Variants in ANKRD30A observed in about 807,000 individuals in gnomAD.
ANKRD30A encodes the protein ankyrin repeat domain-containing protein 30A.
ANKRD30A carries 170 observed loss-of-function variants against 166.3 expected under a neutral mutation model. That is an observed-to-expected ratio of 1.02 (90% CI 0.90 to 1.16). The LOEUF is 1.16. Among genes scored for constraint, ANKRD30A ranks in the 50% most tolerant of loss-of-function variants. The pLI, the probability that ANKRD30A is intolerant of heterozygous loss-of-function variation, is 0.00. For synonymous variants in ANKRD30A, 564 were observed against 508.9 expected (o/e 1.11, Z -1.46); for missense variants, 1,630 against 1,518.0 (o/e 1.07, Z -1.23).
At chr10:37,240,705 C>G in the ANKRD30A span, among the ~76,000 whole-genome samples, 1 of 152,098 alleles carries the variant, frequency 6.6e-6, no homozygotes, top group African/African-American at 2.4e-5. Context: ...TGTTGTCCTT[C>G]TGGTATCAAC....
chr10:37,193,773 A>C (rs1422179364), intron 27 of ANKRD30A, among the ~76,000 whole-genome samples: 1 of 152,132 alleles, frequency 6.6e-6, no homozygotes, highest in African/African-American at 2.4e-5. Flanking sequence ...TTGTCTAGAC[A>C]CGGTGTTTTA....
intron 34 of ANKRD30A, among the ~76,000 whole-genome samples, chr10:37,222,807 G>A (rs568343907): frequency 2.8e-4 from 42 of 151,276 alleles, no homozygotes; most frequent in Non-Finnish European, 5.6e-4. Context: ...TCTAGTTGGT[G>A]CAGAACAATT....
At chr10:37,148,546 T>C (rs1837681643) in intron 9 of ANKRD30A, among the ~76,000 whole-genome samples, 1 of 151,904 alleles carries the variant, frequency 6.6e-6, no homozygotes, top group African/African-American at 2.4e-5. Context: ...AGGTAGGTAA[T>C]TTTGGAGACT....
chr10:37,236,047 C>T (rs1367962606), downstream of ANKRD30A, among the ~76,000 whole-genome samples: 1 of 152,084 alleles, frequency 6.6e-6, no homozygotes, highest in Non-Finnish European at 1.5e-5. Flanking sequence ...GGATTACAGG[C>T]GTGAGCCACC....
the ANKRD30A span, chr10:37,262,525 G>A: frequency 1.9e-5 from 3 of 158,920 alleles, no homozygotes; most frequent in South Asian, 2.0e-4. Flanking sequence ...TTTTGAGACT[G>A]CAGCTTGGAC....
At chr10:37,131,467 AC>A (rs1836375213) in intron 3 of ANKRD30A, among the ~76,000 whole-genome samples, 1 of 152,176 alleles carries the variant, frequency 6.6e-6, no homozygotes, top group Non-Finnish European at 1.5e-5. Flanking sequence ...AACCCCATGG[AC>A]CATTTAATAA....
intron 6 of ANKRD30A, among the ~76,000 whole-genome samples, chr10:37,137,275 T>C (rs1836768049): frequency 6.6e-6 from 1 of 152,166 alleles, no homozygotes; most frequent in Admixed American, 6.5e-5. Flanking sequence ...ACAGCTCCAG[T>C]CTACAGCTCC....
chr10:37,125,889 C>T lies in ANKRD30A; in HGVS notation c.102C>T (p.Val34=), dbSNP rs1835971199. The change falls in exon 1 of 36, where the codon GTC becomes GTT. Residue 34 remains valine, a synonymous_variant. Transcript: ENST00000361713. The part of the protein sequence containing the change: ...LVYTSNDSYI[V]HSGDLRKIHK... ...ATACCAGCAACGACTCCTACATCGT[C>T]CACTCTGGGGATCTTAGAAAGATCC... The T allele has an allele frequency of 1.4e-5, 22 of 1,567,714 alleles. No homozygotes were observed. In the South Asian group the frequency reaches 1.6e-4, roughly 11 times the overall value.
chr10:37,127,741 C>G (rs1463290792), intron 1 of ANKRD30A, among the ~76,000 whole-genome samples: 1 of 152,036 alleles, frequency 6.6e-6, no homozygotes, highest in Non-Finnish European at 1.5e-5. Flanking sequence ...AAAAAGGAAT[C>G]AAATACTGTT....
intron 34 of ANKRD30A, among the ~76,000 whole-genome samples, chr10:37,223,722 C>A (rs190183163): frequency 6.6e-6 from 1 of 151,028 alleles, no homozygotes; most frequent in African/African-American, 2.4e-5. Flanking sequence ...TGTTATAAAA[C>A]GGCTTTACAC....
At chr10:37,172,493 C>A in intron 21 of ANKRD30A, among the ~76,000 whole-genome samples, 1 of 106,528 alleles carries the variant, frequency 9.4e-6, no homozygotes, top group Non-Finnish European at 1.9e-5. Context: ...AAATTTGAAA[C>A]AGTGTTGTAT....
chr10:37,251,771 T>C, the ANKRD30A span, among the ~76,000 whole-genome samples: 1 of 152,328 alleles, frequency 6.6e-6, no homozygotes, highest in African/African-American at 2.4e-5. Context: ...AGAATTTCAC[T>C]TTGCTTATTT....
At position 37,216,121 on chromosome 10, in the gene ANKRD30A, G is replaced by T. The variant is rs1456015200; in HGVS notation, c.2870-60G>T. ...AGTGTATAAGTGATTGTTAAAATATGCAGCCCTTTATATCCCAAAAGTACT... is the reference window on the plus strand; with the variant it reads ...AGTGTATAAGTGATTGTTAAAATATTCAGCCCTTTATATCCCAAAAGTACT... On this transcript the variant is annotated intron_variant, in intron 31 of 35. Coordinates refer to ENST00000361713, the MANE Select transcript of ANKRD30A (RefSeq NM_052997.3). 22 of 1,201,972 alleles carry T rather than the reference G, an allele frequency of 1.8e-5. No individual in the cohort carries two copies. In the Admixed American group the frequency reaches 2.1e-4, roughly 11 times the overall value. 74.5% of individuals were successfully genotyped at this position (1,201,972 alleles called of 1,614,324 possible). A position where few individuals can be genotyped will look rare whatever the true frequency, so the allele number is the denominator to read the frequency against.
At chr10:37,235,968 C>T (rs921759856), downstream of ANKRD30A, among the ~76,000 whole-genome samples, 1 of 151,956 alleles carries the variant, frequency 6.6e-6, no homozygotes, top group Non-Finnish European at 1.5e-5. Context: ...CGGGGTTTCA[C>T]TGTGTTAGCC....
chr10:37,141,908 C>G lies in ANKRD30A; in HGVS notation c.1011C>G (p.Asp337Glu). 7 of 1,614,102 alleles carry G rather than the reference C, an allele frequency of 4.3e-6. No homozygotes were observed. The highest frequency in any genetic ancestry group is 5.9e-6 in the Non-Finnish European group (7 of 1,180,040). The part of the protein sequence containing the change: ...EAASLVEGTS[D>E]KIQCLEKATS... ...CATCCTTGGTGGAGGGAACATCTGACAAAATTCAATGTTTGGAGAAAGCGA... is the reference window on the plus strand; with the variant it reads ...CATCCTTGGTGGAGGGAACATCTGAGAAAATTCAATGTTTGGAGAAAGCGA... Residue 337 changes from aspartate (D) to glutamate (E), a missense_variant, in exon 7 of 36, where the codon GAC (aspartate) becomes GAG (glutamate). This residue lies in a region of ANKRD30A where 904 missense variants were observed against 818.5 expected (regional missense o/e 1.10). Transcript: ENST00000361713.
At chr10:37,244,536 A>G in the ANKRD30A span, among the ~76,000 whole-genome samples, 1 of 152,226 alleles carries the variant, frequency 6.6e-6, no homozygotes, top group Non-Finnish European at 1.5e-5. Context: ...TATTTGTTCA[A>G]TACCATTCTG....
intron 35 of ANKRD30A, among the ~76,000 whole-genome samples, chr10:37,232,007 T>C (rs1372212155): frequency 1.3e-5 from 2 of 152,064 alleles, no homozygotes; most frequent in Non-Finnish European, 1.5e-5. Flanking sequence ...TGTTTTGGCT[T>C]ATTTTCTGAT....
Position 37,217,134 on chromosome 10 carries a change from G to A in ANKRD30A, c.3084-561G>A, listed in dbSNP as rs537256213. On this transcript the variant is annotated intron_variant, in intron 32 of 35. Transcript: ENST00000361713. The stretch of plus-strand genomic sequence containing the variant: ...AAATATATAATAATCAACAAGGTAC[G>A]TTTAAAGCATTACTCAAAAAAGAAA... Among the ~76,000 whole-genome samples the A allele has an allele frequency of 4.6e-5, 7 of 150,844 alleles. No homozygotes were observed. In the East Asian group the frequency reaches 1.2e-3, roughly 25 times the overall value.
chr10:37,135,548 A>G (rs1008127559), intron 5 of ANKRD30A, among the ~76,000 whole-genome samples: 3 of 152,226 alleles, frequency 2.0e-5, no homozygotes, highest in African/African-American at 7.2e-5. Context: ...CAGAAATGAG[A>G]AAATACCAAC....
Sources: allele counts gnomAD v4.1 joint callset (sites outside exome capture counted in the v4.1 genomes callset), GRCh38; gene constraint gnomAD v4.1.1; regional missense constraint gnomAD v4.1.1; transcripts MANE v1.5; gene names NCBI Gene and HGNC (gene_info 2026-07-23, HGNC 2026-07-21).